Variants in MCTP1 observed in about 807,000 individuals in gnomAD.
The protein encoded by MCTP1 is multiple C2 and transmembrane domain containing 1.
MCTP1 carries 69 observed loss-of-function variants against 120.6 expected under a neutral mutation model. The ratio of observed to expected loss-of-function variants is 0.57; its 90% confidence interval spans 0.47 to 0.70. MCTP1 has a LOEUF of 0.70. Ranked by LOEUF, MCTP1 falls within the 30% of genes least tolerant of loss-of-function variation. The pLI is 0.00. For synonymous variants in MCTP1, 529 were observed against 493.1 expected, an observed-to-expected ratio of 1.07 and a Z score of -0.96; for missense variants, 1,203 against 1,248.8, an observed-to-expected ratio of 0.96 and a Z score of 0.55.
intron 1 of MCTP1, among the ~76,000 whole-genome samples, chr5:95,039,928 AG>A (rs1227113591): frequency 6.8e-6 from 1 of 148,136 alleles, no homozygotes; most frequent in African/African-American, 2.4e-5. Context: ...CCAAAACTTG[AG>A]GACTATCACA....
chr5:94,945,874 G>A (rs573486204), intron 3 of MCTP1, among the ~76,000 whole-genome samples: 4 of 152,292 alleles, frequency 2.6e-5, no homozygotes, highest in African/African-American at 9.6e-5. Context: ...AGAGGAAGTG[G>A]AGAGGCACTG....
At chr5:94,949,837 T>A (rs1233056954) in intron 3 of MCTP1, among the ~76,000 whole-genome samples, 2 of 152,176 alleles carry the variant, frequency 1.3e-5, no homozygotes, top group Admixed American at 6.5e-5. Context: ...AGATTAATAA[T>A]CTGTTGTGGA....
At chr5:94,806,156 A>G (rs1171862220) in intron 17 of MCTP1, among the ~76,000 whole-genome samples, 1 of 151,882 alleles carries the variant, frequency 6.6e-6, no homozygotes, top group African/African-American at 2.4e-5. Flanking sequence ...AATAATCAAA[A>G]CTTGGCTATT....
chr5:95,028,707 G>T (rs554859688), intron 1 of MCTP1, among the ~76,000 whole-genome samples: 29 of 152,320 alleles, frequency 1.9e-4, no homozygotes, highest in Non-Finnish European at 3.8e-4. Flanking sequence ...ATTAGACCAT[G>T]TAAACAGACT....
intron 1 of MCTP1, among the ~76,000 whole-genome samples, chr5:95,272,902 G>A (rs1336357940): frequency 6.6e-6 from 1 of 152,220 alleles, no homozygotes; most frequent in Non-Finnish European, 1.5e-5. Context: ...GAACTGGTGT[G>A]TATACAAGGT....
intron 2 of MCTP1, among the ~76,000 whole-genome samples, chr5:94,975,155 G>A (rs1561953925): frequency 6.6e-6 from 1 of 152,106 alleles, no homozygotes; most frequent in Non-Finnish European, 1.5e-5. Flanking sequence ...ACTGGCCATG[G>A]TGGGGTAGGA....
chr5:94,730,382 C>A (rs1344637175), intron 19 of MCTP1, among the ~76,000 whole-genome samples: 2 of 152,192 alleles, frequency 1.3e-5, no homozygotes, highest in Non-Finnish European at 2.9e-5. Context: ...TGGTCTCGAA[C>A]TCAAGCAATC....
chr5:94,951,514 T>C (rs989346309), intron 3 of MCTP1, among the ~76,000 whole-genome samples: 10 of 152,186 alleles, frequency 6.6e-5, no homozygotes, highest in Admixed American at 2.6e-4. Context: ...ATTAATGAGA[T>C]CCAAACAGCC....
intron 1 of MCTP1, among the ~76,000 whole-genome samples, chr5:95,267,992 T>G (rs1255570115): frequency 6.6e-6 from 1 of 152,250 alleles, no homozygotes; most frequent in East Asian, 1.9e-4. Context: ...CTCCTATTAG[T>G]TATTTTCATT....
chr5:94,762,687 C>T (rs559480506), intron 19 of MCTP1, among the ~76,000 whole-genome samples: 6 of 152,300 alleles, frequency 3.9e-5, no homozygotes, highest in African/African-American at 1.4e-4. Flanking sequence ...GCTAAAACAT[C>T]TCTGGGAAGG....
chr5:95,257,249 TGA>T (rs1757983166), intron 1 of MCTP1, among the ~76,000 whole-genome samples: 1 of 152,196 alleles, frequency 6.6e-6, no homozygotes, highest in Non-Finnish European at 1.5e-5. Context: ...GTGTATATGA[TGA>T]GAGCTTGTGG....
At position 94,871,317 on chromosome 5, in the gene MCTP1, A is replaced by G. The variant is rs1353763415; in HGVS notation, c.2137T>C (p.Ser713Pro). ...FLGKVAIPLL[S>P]IQNGEQKAYV... ...TGTGTCAGGTGAATAAAACTTACAG[A>G]CAGCAATGGTATAGCAACTTTGCCC... is the stretch of plus-strand genomic sequence containing the variant. Residue 713 changes from serine to proline, a missense_variant and splice_region_variant, in exon 14 of 23, where the codon TCT becomes CCT. Physicochemically the swap from Ser to Pro is moderately conservative, Grantham distance 74. Coordinates refer to ENST00000515393, the MANE Select transcript of MCTP1 (RefSeq NM_024717.7). 2 of 1,588,494 alleles carry G rather than the reference A, an allele frequency of 1.3e-6. No individual in the cohort carries two copies. Among genetic ancestry groups the G allele is most frequent in the Admixed American group, 1.7e-5 (1 of 59,840 alleles).
chr5:95,103,547 G>A (rs1416216768), intron 1 of MCTP1, among the ~76,000 whole-genome samples: 1 of 152,214 alleles, frequency 6.6e-6, no homozygotes, highest in Non-Finnish European at 1.5e-5. Context: ...CTAAAAGTCA[G>A]TGAGGAGCCA....
chr5:94,933,041 G>A (rs955650495), intron 5 of MCTP1, among the ~76,000 whole-genome samples: 17 of 151,796 alleles, frequency 1.1e-4, no homozygotes, highest in African/African-American at 4.1e-4. Context: ...TAAGACTAGC[G>A]TAACATTTTC....
At chr5:94,769,575 A>C (rs1240483281) in intron 19 of MCTP1, among the ~76,000 whole-genome samples, 1 of 152,202 alleles carries the variant, frequency 6.6e-6, no homozygotes, top group African/African-American at 2.4e-5. Flanking sequence ...GATAGACCAC[A>C]AAAATTACAG....
intron 1 of MCTP1, among the ~76,000 whole-genome samples, chr5:95,246,277 C>T (rs548041346): frequency 6.6e-6 from 1 of 152,196 alleles, no homozygotes; most frequent in East Asian, 1.9e-4. Context: ...AATTAACAGG[C>T]AAAATAACCA....
At chr5:94,794,935 G>A (rs1779696236) in intron 18 of MCTP1, among the ~76,000 whole-genome samples, 1 of 152,162 alleles carries the variant, frequency 6.6e-6, no homozygotes, top group Non-Finnish European at 1.5e-5. Context: ...GGAGAGGTGG[G>A]ATATATCCCC....
intron 2 of MCTP1, among the ~76,000 whole-genome samples, chr5:95,002,318 A>G (rs1265579842): frequency 6.6e-6 from 1 of 152,282 alleles, no homozygotes; most frequent in African/African-American, 2.4e-5. Context: ...TAGTGGAGCT[A>G]TGAGAAGAGG....
At chr5:94,852,232 A>G (rs1159258320) in intron 17 of MCTP1, among the ~76,000 whole-genome samples, 1 of 151,970 alleles carries the variant, frequency 6.6e-6, no homozygotes, top group African/African-American at 2.4e-5. Flanking sequence ...TACTTTTCCA[A>G]TGGATTCATA....
Sources: gnomAD v4.1 joint callset for allele counts (sites outside exome capture counted in the v4.1 genomes callset) on GRCh38, gnomAD v4.1.1 for gene constraint, MANE v1.5 for transcripts, NCBI Gene and HGNC (gene_info 2026-07-23, HGNC 2026-07-21) for gene names.